Variants in ITCH observed in about 807,000 individuals in gnomAD.
The protein encoded by ITCH is itchy E3 ubiquitin protein ligase.
A neutral mutation model predicts 126.8 loss-of-function variants in ITCH; 28 were observed. That is an observed-to-expected ratio of 0.22 (90% CI 0.16 to 0.30). The LOEUF (loss-of-function observed/expected upper bound fraction) is 0.30. ITCH is among the 10% of genes least tolerant of loss of function. The pLI, the probability that ITCH is intolerant of heterozygous loss-of-function variation, is 1.00. For missense variants in ITCH, 631 were observed against 1,032.4 expected, an observed-to-expected ratio of 0.61 and a Z score of 5.33; for synonymous variants, 342 against 340.0, an observed-to-expected ratio of 1.01 and a Z score of -0.06.
In ITCH at chr20:34,469,180, G is replaced by T. The variant is rs117921150; in HGVS notation, c.1425-868G>T. ...CAGCTGCTGAAACTTAAGCTATCAG[G>T]GTCACACTCCAGGCTGGAATTTGGA... On this transcript the variant is annotated intron_variant, in intron 14 of 24. Transcript: ENST00000374864. Among the ~76,000 whole-genome samples the T allele has an allele frequency of 4.0e-4, 61 of 151,690 alleles. 2 individuals carry two copies. The East Asian group carries it at 0.011, about 28-fold the overall frequency.
At chr20:34,450,467 C>T (rs903985744) in intron 12 of ITCH, among the ~76,000 whole-genome samples, 1 of 152,106 alleles carries the variant, frequency 6.6e-6, no homozygotes, top group African/African-American at 2.4e-5. Context: ...ATATCTGATA[C>T]CTTAGTTATT....
chr20:34,367,661 G>C (rs2037468865), intron 1 of ITCH, among the ~76,000 whole-genome samples: 2 of 152,180 alleles, frequency 1.3e-5, no homozygotes, highest in African/African-American at 4.8e-5. Context: ...GTAGACATGT[G>C]CCAAATATAT....
At chr20:34,492,817 G>A (rs987678863) in intron 23 of ITCH, among the ~76,000 whole-genome samples, 2 of 152,180 alleles carry the variant, frequency 1.3e-5, no homozygotes, top group Non-Finnish European at 2.9e-5. Flanking sequence ...AACTCATTAG[G>A]ACAGCAGTCT....
chr20:34,473,378 T>C (rs1311058550), intron 16 of ITCH, among the ~76,000 whole-genome samples: 2 of 152,188 alleles, frequency 1.3e-5, no homozygotes, highest in African/African-American at 4.8e-5. Flanking sequence ...ACATATGTGG[T>C]AATCTGTGGT....
At chr20:34,418,811 G>C (rs1489413077) in intron 6 of ITCH, among the ~76,000 whole-genome samples, 1 of 138,004 alleles carries the variant, frequency 7.2e-6, no homozygotes, top group East Asian at 2.1e-4. Flanking sequence ...GCCCAGACTG[G>C]AGTGCAATGG....
intron 7 of ITCH, among the ~76,000 whole-genome samples, chr20:34,430,023 G>A (rs970496561): frequency 6.6e-5 from 10 of 152,174 alleles, no homozygotes; most frequent in Admixed American, 5.9e-4. Flanking sequence ...GGCTAAAGGT[G>A]CAGTAATTTC....
At position 34,442,955 on chromosome 20, in the gene ITCH, G is replaced by A. The variant is rs181788591; in HGVS notation, c.965+652G>A. 1.2e-3 allele frequency among the ~76,000 whole-genome samples: 184 copies of A among 147,980 alleles called. 1 individual carries two copies. The highest frequency in any genetic ancestry group is 4.5e-3 in the African/African-American group (179 of 40,198). ...CTCGCCACTGCACTCCAGCCTGGGC[G>A]ACAGAGCAAGACTCTGTCTCAAAAA... On this transcript the variant is annotated intron_variant, in intron 10 of 24. Transcript: ENST00000374864.
chr20:34,447,038 C>G (rs532667312), intron 11 of ITCH, among the ~76,000 whole-genome samples: 1 of 152,194 alleles, frequency 6.6e-6, no homozygotes, highest in Admixed American at 6.5e-5. Flanking sequence ...TGTATATGTA[C>G]CCTTTATCTC....
At chr20:34,503,106 T>A (rs1990367409) in intron 23 of ITCH, among the ~76,000 whole-genome samples, 2 of 152,222 alleles carry the variant, frequency 1.3e-5, no homozygotes, top group Admixed American at 6.5e-5. Flanking sequence ...TGTGTTTTTT[T>A]ATAACGTTTC....
At chr20:34,401,621 TG>T (rs1428855467) in intron 3 of ITCH, 1 of 981,778 alleles carries the variant, frequency 1.0e-6, no homozygotes, top group Admixed American at 6.2e-5. Context: ...AAGCCCCAGA[TG>T]GGGAACATGT....
chr20:34,403,493 CTT>C (rs1009220567), intron 3 of ITCH, among the ~76,000 whole-genome samples: 1 of 152,114 alleles, frequency 6.6e-6, no homozygotes, highest in African/African-American at 2.4e-5. Flanking sequence ...AGCAGGGAAA[CTT>C]TTGTTTTCTA....
At chr20:34,435,237 C>G (rs181815351) in intron 7 of ITCH, among the ~76,000 whole-genome samples, 1 of 151,748 alleles carries the variant, frequency 6.6e-6, no homozygotes, top group East Asian at 1.9e-4. Flanking sequence ...AGCACAATCT[C>G]CGCTTACCAC....
chr20:34,384,022 A>G (rs897876025), intron 2 of ITCH: 4 of 149,670 alleles, frequency 2.7e-5, no homozygotes, highest in African/African-American at 9.9e-5. Flanking sequence ...TTTTGTATTT[A>G]TAGTAGAGAC....
At chr20:34,410,943 A>G (rs1007259602) in intron 4 of ITCH, among the ~76,000 whole-genome samples, 2 of 152,166 alleles carry the variant, frequency 1.3e-5, no homozygotes, top group East Asian at 1.9e-4. Flanking sequence ...TTACAATTCA[A>G]GTTATTTTCC....
rs201967232 is a variant in ITCH at position 34,473,891 on chromosome 20, TA to T, written c.1569+2378del. Among the ~76,000 whole-genome samples the T allele has an allele frequency of 1.5e-3, 235 of 152,368 alleles. 3 individuals are homozygous for T. The highest frequency in any genetic ancestry group is 0.011 in the Admixed American group (164 of 15,304). Reference sequence around the variant, plus strand: ...TCAGTCTGAACATAATAGCTTATAGTAATAAGACACAGGTTCTAGTACAGAT... The same window carrying T: ...TCAGTCTGAACATAATAGCTTATAGTATAAGACACAGGTTCTAGTACAGAT... On this transcript the variant is annotated intron_variant, in intron 16 of 24. Transcript: ENST00000374864.
At chr20:34,378,246 G>A (rs1601752812) in intron 2 of ITCH, among the ~76,000 whole-genome samples, 1 of 151,934 alleles carries the variant, frequency 6.6e-6, no homozygotes, top group East Asian at 1.9e-4. Context: ...CAAGGCGGGA[G>A]GATCACCTGA....
At chr20:34,429,954 AAAAC>A (rs1161754306) in intron 7 of ITCH, among the ~76,000 whole-genome samples, 11 of 152,210 alleles carry the variant, frequency 7.2e-5, no homozygotes, top group Non-Finnish European at 1.6e-4. Flanking sequence ...GGAAAGAAGA[AAAAC>A]AAAGGTGGTG....
intron 3 of ITCH, among the ~76,000 whole-genome samples, chr20:34,404,481 A>G (rs1220330714): frequency 2.1e-5 from 3 of 140,632 alleles, no homozygotes; most frequent in African/African-American, 8.1e-5. Flanking sequence ...GTGCAATGGC[A>G]TGATCTCAGC....
chr20:34,476,180 C>T, intron 16 of ITCH: 1 of 802,054 alleles, frequency 1.2e-6, no homozygotes, highest in Non-Finnish European at 2.3e-6. Flanking sequence ...CCATCAATAT[C>T]TGGATTATTT....
Sources: gnomAD v4.1 joint callset for allele counts (sites outside exome capture counted in the v4.1 genomes callset) on GRCh38, gnomAD v4.1.1 for gene constraint, MANE v1.5 for transcripts, NCBI Gene and HGNC (gene_info 2026-07-23, HGNC 2026-07-21) for gene names.